Variants in GRIN2C observed in about 807,000 individuals in gnomAD.
GRIN2C encodes the protein glutamate ionotropic receptor NMDA type subunit 2C.
In GRIN2C, 64 loss-of-function variants were observed where a neutral mutation model predicts 77.7. That is an observed-to-expected ratio of 0.82 (90% CI 0.67 to 1.01). The LOEUF (loss-of-function observed/expected upper bound fraction) is 1.01. Ranked by LOEUF, GRIN2C falls within the 50% of genes least tolerant of loss-of-function variation. The pLI is 0.00. For synonymous variants in GRIN2C, 792 were observed against 643.4 expected, an observed-to-expected ratio of 1.23 and a Z score of -3.49; for missense variants, 1,549 against 1,486.0, an observed-to-expected ratio of 1.04 and a Z score of -0.70.
At position 74,845,954 on chromosome 17, in the gene GRIN2C, C is replaced by A. The variant is rs951596832; in HGVS notation, c.2350+112G>T. ...CCTCAGCTGCCCCAACCTCTCACCC[C>A]CCAGAGACCTCTCCCTGCTCACAGG... On this transcript the variant is annotated intron_variant, in intron 11 of 12. Transcript: ENST00000293190. 5 of 998,680 alleles carry A rather than the reference C, an allele frequency of 5.0e-6. No homozygotes were observed. In the East Asian group the frequency reaches 1.2e-4, roughly 24 times the overall value. 61.9% of individuals were successfully genotyped at this position (998,680 alleles called of 1,614,324 possible). A position where few individuals can be genotyped will look rare whatever the true frequency, so the allele number is the denominator to read the frequency against.
rs552789668 is a variant in GRIN2C at position 74,847,690 on chromosome 17, G to A, written c.1772-153C>T. 1.6e-4 allele frequency among the ~76,000 whole-genome samples: 24 copies of A among 152,230 alleles called. No homozygotes were observed. The South Asian group carries it at 4.1e-3, about 26-fold the overall frequency. ...CCCTCGCCAGGTGAAGTGAGCTCAC[G>A]TGTGTGTTTCTGTGTGTGTGTGTCA... On this transcript the variant is annotated intron_variant, in intron 8 of 12. Transcript: ENST00000293190. The surrounding 1 kb of genome is among the most constrained non-coding windows in gnomAD (Gnocchi z 5.2).
At position 74,852,489 on chromosome 17, in the gene GRIN2C, G is replaced by A; in HGVS notation, c.522C>T (p.Gly174=). Residue 174 remains glycine, a synonymous_variant, in exon 3 of 13, where the codon GGC becomes GGT. Coordinates refer to ENST00000293190, the MANE Select transcript of GRIN2C (RefSeq NM_000835.6). ...AFAVITSLHP[G]HALFLEGVRA... is the part of the protein sequence containing the mutation. Reference sequence around the variant, plus strand: ...GCACGCCCTCCAGGAAGAGCGCGTGGCCCGGGTGCAGGCTGGTGATGACGG... The same window carrying A: ...GCACGCCCTCCAGGAAGAGCGCGTGACCCGGGTGCAGGCTGGTGATGACGG... 1.3e-6 allele frequency: 2 copies of A among 1,567,578 alleles called. No homozygotes were observed. The highest frequency in any genetic ancestry group is 1.7e-6 in the Non-Finnish European group (2 of 1,166,020).
Position 74,846,956 on chromosome 17 carries a change from C to T in GRIN2C, c.2002-36G>A, listed in dbSNP as rs1380158918. The T allele has an allele frequency of 6.3e-7, 1 of 1,583,256 alleles. No individual in the cohort carries two copies. Among genetic ancestry groups the T allele is most frequent in the Non-Finnish European group, 8.6e-7 (1 of 1,163,006 alleles). On this transcript the variant is annotated intron_variant, in intron 9 of 12. Transcript: ENST00000293190. The surrounding 1 kb of genome is among the most constrained non-coding windows in gnomAD (Gnocchi z 4.4). ...AGGGCAGCAGCCAGTCACAACCCTT[C>T]CTCCAGCCTTCCAGGCACCAAAGCC...
chr17:74,843,124 GCCAC>G lies in GRIN2C; in HGVS notation c.3009_3012del (p.Trp1004ArgfsTer206). ...CTCCCGCAGTGCCCGGTCCGCACCG[GCCAC>G]CGCGCCTCCCAGGCTGGGCGGCGCG... On this transcript the variant is annotated frameshift_variant, in exon 13 of 13. Coordinates refer to ENST00000293190, the MANE Select transcript of GRIN2C (RefSeq NM_000835.6). LOFTEE classifies it low-confidence loss of function (END_TRUNC). 2.4e-6 allele frequency: 1 copy of G among 423,932 alleles called. No homozygotes were observed. The highest frequency in any genetic ancestry group is 4.2e-6 in the Non-Finnish European group (1 of 240,460). The allele number at this position is 423,932 out of a possible 1,614,324, so 26.3% of individuals were successfully genotyped here.
At position 74,846,381 on chromosome 17, in the gene GRIN2C, G is replaced by C. The variant is rs2037457974; in HGVS notation, c.2163-128C>G. 1.3e-6 allele frequency: 1 copy of C among 743,212 alleles called. No homozygotes were observed. Among genetic ancestry groups the C allele is most frequent in the Admixed American group, 2.4e-5 (1 of 41,948 alleles). The allele number at this position is 743,212 out of a possible 1,614,324, so 46.0% of individuals were successfully genotyped here. A position where few individuals can be genotyped will look rare whatever the true frequency, so the allele number is the denominator to read the frequency against. On this transcript the variant is annotated intron_variant, in intron 10 of 12. Coordinates refer to ENST00000293190, the MANE Select transcript of GRIN2C (RefSeq NM_000835.6). The surrounding 1 kb of genome is among the most constrained non-coding windows in gnomAD (Gnocchi z 4.4). ...CCCCCGGGAGGGACCAATGGGCAGA[G>C]ACTTGTCTGGTTCTCTTGGGTCCTG...
intron 1 of GRIN2C, 56 bp from the exon 2 acceptor site, chr17:74,855,163 G>T: frequency 1.4e-6 from 2 of 1,391,256 alleles, no homozygotes; most frequent in Non-Finnish European, 9.6e-7. Context: ...GAGAGAGGCA[G>T]ATGGACAGAC....
chr17:74,844,381 C>T lies in GRIN2C; in HGVS notation c.2478G>A (p.Met826Ile), dbSNP rs151180607. The T allele has an allele frequency of 6.2e-7, 1 of 1,614,192 alleles. No homozygotes were observed. Among genetic ancestry groups the T allele is most frequent in the South Asian group, 1.1e-5 (1 of 91,080 alleles). Residue 826 changes from methionine (M) to isoleucine (I), a missense_variant, in exon 12 of 13, where the codon ATG becomes ATA. Met to Ile is a conservative substitution (Grantham distance 10). Around this residue, in one of 3 missense-constraint regions of GRIN2C, gnomAD observed 717 missense variants for 858.1 expected, o/e 0.84. Coordinates refer to ENST00000293190, the MANE Select transcript of GRIN2C (RefSeq NM_000835.6). ...AGGCGAAGACCAGCAGGGCCAGCCC[C>T]ATGGCCACCAGCAGCATGTAGAAGA... Reference protein sequence around the residue: ...AGVFYMLLVAMGLALLVFAWE... With the variant: ...AGVFYMLLVAIGLALLVFAWE...
At chr17:74,860,705 G>A (rs2037931240), upstream of GRIN2C, 3 of 352,462 alleles carry the variant, frequency 8.5e-6, no homozygotes, top group South Asian at 6.3e-5. Flanking sequence ...GGAAGCCCGG[G>A]AGCCGGGCAC....
chr17:74,854,867 T>G lies in GRIN2C; in HGVS notation c.226A>C (p.Ser76Arg). ...TVGVNTTNPS[S>R]LLTQICGLLG... Reference sequence around the variant, plus strand: ...AGGCCGCAGATCTGGGTGAGGAGGCTGCTGGGGTTGGTGGTGTTGACCCCA... The same window carrying G: ...AGGCCGCAGATCTGGGTGAGGAGGCGGCTGGGGTTGGTGGTGTTGACCCCA... Residue 76 changes from serine to arginine, a missense_variant, in exon 2 of 13, where the codon AGC (serine) becomes CGC (arginine). Transcript: ENST00000293190. The G allele has an allele frequency of 6.2e-7, 1 of 1,613,244 alleles. No individual in the cohort carries two copies. Among genetic ancestry groups the G allele is most frequent in the East Asian group, 2.2e-5 (1 of 44,868 alleles).
At position 74,850,620 on chromosome 17, in the gene GRIN2C, G is replaced by A. The variant is rs755801106; in HGVS notation, c.1261C>T (p.Pro421Ser). 2 of 1,613,664 alleles carry A rather than the reference G, an allele frequency of 1.2e-6. No individual in the cohort carries two copies. The highest frequency in any genetic ancestry group is 2.2e-5 in the South Asian group (2 of 91,084). The part of the protein sequence containing the change: ...RPFVIVESPD[P>S]GTGGCVPNTV... ...TTGGGGACACAGCCTCCTGTGCCAG[G>A]GTCAGGGCTCTCCACGATGACAAAG... The change falls in exon 5 of 13, where the codon CCT becomes TCT. Residue 421 changes from proline to serine, a missense_variant. Pro to Ser is a moderately conservative substitution (Grantham distance 74). This residue lies in a region of GRIN2C where 717 missense variants were observed against 858.1 expected (regional missense o/e 0.84). Coordinates refer to ENST00000293190, the MANE Select transcript of GRIN2C (RefSeq NM_000835.6). This position sits in a 1 kb window ranked among gnomAD's most constrained non-coding sequence, Gnocchi z 5.3.
Position 74,842,647 on chromosome 17 carries a change from C to G in GRIN2C, c.3490G>C (p.Val1164Leu), listed in dbSNP as rs747109637. 19 of 749,726 alleles carry G rather than the reference C, an allele frequency of 2.5e-5. No individual in the cohort carries two copies. The highest frequency in any genetic ancestry group is 4.2e-5 in the Non-Finnish European group (17 of 402,930). 46.4% of individuals were successfully genotyped at this position (749,726 alleles called of 1,614,324 possible). ...GCACAGGGTGGAAGGTGAGGACAGA[C>G]AGCCCCCCAGCAAAATGGCAGGTGG... ...HAHLPFCWGA[V>L]CPHLPPCASH... is the part of the protein sequence containing the mutation. Residue 1164 changes from valine to leucine, a missense_variant, in exon 13 of 13, where the codon GTC becomes CTC. This residue lies in a region of GRIN2C where 450 missense variants were observed against 267.9 expected (regional missense o/e 1.68). Coordinates refer to ENST00000293190, the MANE Select transcript of GRIN2C (RefSeq NM_000835.6).
chr17:74,854,329 C>G lies in GRIN2C; in HGVS notation c.399+365G>C, dbSNP rs550086185. ...CCCTGGTGCTCACCCTACAGGTCAACTACCACTGCCCAGAGGGCATGGCAC... is the reference window on the plus strand; with the variant it reads ...CCCTGGTGCTCACCCTACAGGTCAAGTACCACTGCCCAGAGGGCATGGCAC... On this transcript the variant is annotated intron_variant, in intron 2 of 12. Transcript: ENST00000293190. 2.4e-5 allele frequency: 5 copies of G among 207,746 alleles called. No individual in the cohort carries two copies. The South Asian group carries it at 6.6e-4, about 27-fold the overall frequency. 12.9% of individuals were successfully genotyped at this position (207,746 alleles called of 1,614,324 possible). A position where few individuals can be genotyped will look rare whatever the true frequency, so the allele number is the denominator to read the frequency against.
intron 1 of GRIN2C, among the ~76,000 whole-genome samples, chr17:74,857,017 C>T (rs2037838375): frequency 6.6e-6 from 1 of 152,222 alleles, no homozygotes; most frequent in Non-Finnish European, 1.5e-5. Context: ...CCCTTCCCTG[C>T]AGCAGGCGCT....
intron 2 of GRIN2C, chr17:74,853,037 G>T (rs1232194571): frequency 6.1e-6 from 1 of 164,298 alleles, no homozygotes. Flanking sequence ...AAAGCCAGGC[G>T]TCTGTATTTC....
chr17:74,858,057 G>A (rs1031468234), intron 1 of GRIN2C, among the ~76,000 whole-genome samples: 15 of 152,184 alleles, frequency 9.9e-5, no homozygotes, highest in African/African-American at 2.9e-4. Flanking sequence ...GAAGGGCCCA[G>A]GCTCTCCCTC....
chr17:74,861,163 G>C (rs1255165892), upstream of GRIN2C, among the ~76,000 whole-genome samples: 1 of 152,182 alleles, frequency 6.6e-6, no homozygotes, highest in African/African-American at 2.4e-5. Context: ...CGCTTCGCCC[G>C]CGTCCTTCTC....
rs777696288 is a variant in GRIN2C at position 74,854,625 on chromosome 17, C to A, written c.399+69G>T. ...CCCGTCTAATCCCAGCTTCCCAGAACCAAAGCACCCCCGACCCCAGCCTGG... is the reference window on the plus strand; with the variant it reads ...CCCGTCTAATCCCAGCTTCCCAGAAACAAAGCACCCCCGACCCCAGCCTGG... On this transcript the variant is annotated intron_variant, in intron 2 of 12. Coordinates refer to ENST00000293190, the MANE Select transcript of GRIN2C (RefSeq NM_000835.6). 3 of 1,399,860 alleles carry A rather than the reference C, an allele frequency of 2.1e-6. No individual in the cohort carries two copies. The East Asian group carries it at 6.9e-5, about 32-fold the overall frequency. 86.7% of individuals were successfully genotyped at this position (1,399,860 alleles called of 1,614,324 possible).
Position 74,852,244 on chromosome 17 carries a change from T to G in GRIN2C, c.767A>C (p.Asn256Thr). Reference protein sequence around the residue: ...VGPGHVWLVPNLALGSTDAPP... With the variant: ...VGPGHVWLVPTLALGSTDAPP... ...CGCATCGGTGCTGCCCAGCGCCAGG[T>G]TGGGCACCAGCCACACGTGGCCGGG... The change falls in exon 3 of 13, where the codon AAC becomes ACC. Residue 256 changes from asparagine to threonine, a missense_variant. Asn to Thr is a moderately conservative substitution (Grantham distance 65, BLOSUM62 0). This residue lies in a region of GRIN2C where 717 missense variants were observed against 858.1 expected (regional missense o/e 0.84). Transcript: ENST00000293190. 1 of 1,403,168 alleles carries G rather than the reference T, an allele frequency of 7.1e-7. No individual in the cohort carries two copies. The highest frequency in any genetic ancestry group is 9.2e-7 in the Non-Finnish European group (1 of 1,082,962). 86.9% of individuals were successfully genotyped at this position (1,403,168 alleles called of 1,614,324 possible).
At chr17:74,855,674 T>G (rs1194003607) in intron 1 of GRIN2C, among the ~76,000 whole-genome samples, 3 of 152,162 alleles carry the variant, frequency 2.0e-5, no homozygotes, top group Admixed American at 1.3e-4. Context: ...GGAAGACAGC[T>G]CTTGCATCAC....
Sources: allele counts gnomAD v4.1 joint callset (sites outside exome capture counted in the v4.1 genomes callset), GRCh38; gene constraint gnomAD v4.1.1; regional missense constraint gnomAD v4.1.1; non-coding constraint Gnocchi (gnomAD v3.1); transcripts MANE v1.5; gene names NCBI Gene and HGNC (gene_info 2026-07-23, HGNC 2026-07-21).